The following TRPM2 variants were observed in gnomAD, a reference collection of about 807,000 sequenced individuals.
TRPM2 encodes the protein estrogen-responsive element-associated gene 1 protein.
A neutral mutation model predicts 174.0 loss-of-function variants in TRPM2; 161 were observed. The observed-to-expected ratio is 0.93, with a 90% CI of 0.81 to 1.05. The LOEUF is 1.05. TRPM2 is among the 50% of genes least tolerant of loss of function. The pLI is 0.00. For synonymous variants in TRPM2, 954 were observed against 861.3 expected (o/e 1.11, Z -1.88); for missense variants, 2,057 against 2,038.0 (o/e 1.01, Z -0.18).
rs968889857 is a variant in TRPM2, at chr21:44,366,522, G to A, written c.424-232G>A. Among the ~76,000 whole-genome samples the A allele has an allele frequency of 1.3e-5, 2 of 152,154 alleles. No homozygotes were observed. The highest frequency in any genetic ancestry group is 4.8e-5 in the African/African-American group (2 of 41,430). On this transcript the variant is annotated intron_variant, in intron 3 of 31. Transcript: ENST00000397928. The surrounding 1 kb of genome is among the most constrained non-coding windows in gnomAD (Gnocchi z 6.0). ...CGAGGGCTGGGGGAGGTTTGCTGAG[G>A]GCGATCCTGGTCCCCAAAGGATGGC...
rs199551344 is a variant in TRPM2 at position 44,440,814 on chromosome 21, C to T, written c.4295C>T (p.Pro1432Leu). The change falls in exon 31 of 32, where the codon CCG becomes CTG. Residue 1432 changes from proline to leucine, a missense_variant. Coordinates refer to ENST00000397928, the MANE Select transcript of TRPM2 (RefSeq NM_003307.4). Reference sequence around the variant, plus strand: ...GTGTACAAAGGCTACATGGATGACCCGAGGAACACGGACAATGCCTGGATC... The same window carrying T: ...GTGTACAAAGGCTACATGGATGACCTGAGGAACACGGACAATGCCTGGATC... ...MEVYKGYMDD[P>L]RNTDNAWIET... The T allele has an allele frequency of 2.3e-5, 37 of 1,613,730 alleles. No homozygotes were observed. Among genetic ancestry groups the T allele is most frequent in the Admixed American group, 5.0e-5 (3 of 60,008 alleles).
At chr21:44,440,668 C>G in intron 30 of TRPM2, 121 bp from the exon 31 acceptor site, 1 of 841,884 alleles carries the variant, frequency 1.2e-6, no homozygotes, top group Non-Finnish European at 2.0e-6. Flanking sequence ...AGAGCTGGGC[C>G]GGGGTCCTGT....
At chr21:44,394,170 G>T (rs1187974020) in intron 11 of TRPM2, among the ~76,000 whole-genome samples, 1 of 151,980 alleles carries the variant, frequency 6.6e-6, no homozygotes, top group Non-Finnish European at 1.5e-5. Flanking sequence ...TGCCAGGCCG[G>T]GTATGGCTTG....
chr21:44,365,813 G>A (rs982387372), intron 3 of TRPM2, among the ~76,000 whole-genome samples: 3 of 152,208 alleles, frequency 2.0e-5, no homozygotes, highest in African/African-American at 7.2e-5. Context: ...AAGCCCGGGA[G>A]CGTCCACCAT....
chr21:44,358,348 C>T (rs80220029), intron 2 of TRPM2, among the ~76,000 whole-genome samples: 4 of 151,710 alleles, frequency 2.6e-5, no homozygotes, highest in East Asian at 3.9e-4. Flanking sequence ...AGAATTCACG[C>T]GCACATGCGG....
In TRPM2 at chr21:44,391,052, G is replaced by A. The variant is rs767340056; in HGVS notation, c.1440+27G>A. 1.3e-5 allele frequency: 21 copies of A among 1,613,050 alleles called. No individual in the cohort carries two copies. Among genetic ancestry groups the A allele is most frequent in the Admixed American group, 1.0e-4 (6 of 59,996 alleles). On this transcript the variant is annotated intron_variant, in intron 10 of 31. Transcript: ENST00000397928. This position sits in a 1 kb window ranked among gnomAD's most constrained non-coding sequence, Gnocchi z 5.0. Reference sequence around the variant, plus strand: ...TAAGTCTTCCAGAGCACCCCGTGGAGGGGCCTACTGGGCCCACATGCATTG... The same window carrying A: ...TAAGTCTTCCAGAGCACCCCGTGGAAGGGCCTACTGGGCCCACATGCATTG...
At position 44,366,833 on chromosome 21, in the gene TRPM2, A is replaced by G. The variant is rs761128057; in HGVS notation, c.503A>G (p.Asn168Ser). Reference sequence around the variant, plus strand: ...CAGCACTGGGGGCTGGACGTCCCCAATCTCTTGATCTCGGTGACCGGGGGG... The same window carrying G: ...CAGCACTGGGGGCTGGACGTCCCCAGTCTCTTGATCTCGGTGACCGGGGGG... ...MTQHWGLDVP[N>S]LLISVTGGAK... Residue 168 changes from asparagine (N) to serine (S), a missense_variant, in exon 4 of 32, where the codon AAT becomes AGT. Transcript: ENST00000397928. The surrounding 1 kb of genome is among the most constrained non-coding windows in gnomAD (Gnocchi z 6.0). The G allele has an allele frequency of 2.0e-5, 32 of 1,610,876 alleles. No individual in the cohort carries two copies. Among genetic ancestry groups the G allele is most frequent in the Non-Finnish European group, 2.4e-5 (28 of 1,178,904 alleles).
At position 44,389,199 on chromosome 21, in the gene TRPM2, GTTTC is replaced by G. The variant is rs537384459; in HGVS notation, c.1319-1701_1319-1698del. Among the ~76,000 whole-genome samples, 332 of 152,240 alleles carry G rather than the reference GTTTC, an allele frequency of 2.2e-3. 2 individuals are homozygous for G. The highest frequency in any genetic ancestry group is 7.8e-3 in the African/African-American group (322 of 41,536). On this transcript the variant is annotated intron_variant, in intron 9 of 31. Transcript: ENST00000397928. ...TACATGATGCATTCTTTCATGTCTTGTTTCTTTTGCTCAGTGCATTGTTTTTGAG... is the reference window on the plus strand; with the variant it reads ...TACATGATGCATTCTTTCATGTCTTGTTTTGCTCAGTGCATTGTTTTTGAG...
At chr21:44,394,880 C>T (rs925294527) in intron 11 of TRPM2, among the ~76,000 whole-genome samples, 2 of 152,154 alleles carry the variant, frequency 1.3e-5, no homozygotes, top group African/African-American at 4.8e-5. Flanking sequence ...TTCCCAGCTA[C>T]CTGAGTACGT....
intron 12 of TRPM2, among the ~76,000 whole-genome samples, chr21:44,396,081 G>A (rs1247702145): frequency 3.9e-5 from 1 of 25,600 alleles, no homozygotes. Flanking sequence ...GGATGTGGAG[G>A]CTGTGGAGGG....
intron 5 of TRPM2, 44 bp from the exon 6 acceptor site, chr21:44,375,789 A>C (rs778524308): frequency 6.3e-7 from 1 of 1,575,918 alleles, no homozygotes; most frequent in South Asian, 1.2e-5. Context: ...TTAGAGAGGC[A>C]GAGCTTTCCA....
Position 44,406,624 on chromosome 21 carries a change from CTGGCTGTG to C in TRPM2, c.2825_2832del (p.Ala942GlyfsTer63). 6.2e-7 allele frequency: 1 copy of C among 1,610,834 alleles called. No homozygotes were observed. The highest frequency in any genetic ancestry group is 8.5e-7 in the Non-Finnish European group (1 of 1,179,424). On this transcript the variant is annotated frameshift_variant, in exon 19 of 32. Transcript: ENST00000397928. LOFTEE classifies it high-confidence loss of function. ...GGACGTCTTCTTCTTCCTCTTCCTGCTGGCTGTGTGGGTGGTGTCCTTCGGGGTGGCCA... is the reference window on the plus strand; with the variant it reads ...GGACGTCTTCTTCTTCCTCTTCCTGCTGGGTGGTGTCCTTCGGGGTGGCCA...
chr21:44,379,344 C>A, intron 8 of TRPM2, 147 bp downstream of exon 8: 1 of 929,766 alleles, frequency 1.1e-6, no homozygotes, highest in Non-Finnish European at 1.6e-6. Flanking sequence ...GAGGGCAGGG[C>A]CCAGGTGGTA....
chr21:44,373,650 A>C (rs971287611), intron 5 of TRPM2, among the ~76,000 whole-genome samples: 4 of 152,116 alleles, frequency 2.6e-5, no homozygotes, highest in African/African-American at 9.7e-5. Flanking sequence ...ATAGGCTGAG[A>C]ATTTCCCACA....
intron 27 of TRPM2, 58 bp downstream of exon 27, chr21:44,427,169 A>G: frequency 7.1e-7 from 1 of 1,408,838 alleles, no homozygotes; most frequent in Non-Finnish European, 9.6e-7. Flanking sequence ...CCTGGGGGGC[A>G]GGTTTCCTCT....
intron 19 of TRPM2, among the ~76,000 whole-genome samples, chr21:44,411,531 A>G (rs548555024): frequency 1.3e-5 from 2 of 152,300 alleles, no homozygotes; most frequent in South Asian, 2.1e-4. Flanking sequence ...ATCTGCAAAA[A>G]GAGAGTTTTA....
intron 22 of TRPM2, among the ~76,000 whole-genome samples, chr21:44,421,378 AAGCTCAG>A (rs2050546054): frequency 6.6e-6 from 1 of 151,998 alleles, no homozygotes; most frequent in Non-Finnish European, 1.5e-5. Flanking sequence ...AGACATCTTA[AAGCTCAG>A]AGCTGGTCTG....
chr21:44,406,647 CG>C lies in TRPM2; in HGVS notation c.2848del (p.Val950TrpfsTer40). The C allele has an allele frequency of 6.2e-7, 1 of 1,610,618 alleles. No individual in the cohort carries two copies. The highest frequency in any genetic ancestry group is 8.5e-7 in the Non-Finnish European group (1 of 1,179,420). On this transcript the variant is annotated frameshift_variant, in exon 19 of 32. Transcript: ENST00000397928. LOFTEE classifies it high-confidence loss of function. ...TGCTGGCTGTGTGGGTGGTGTCCTT[CG>C]GGGTGGCCAAGCAGGCCATCCTCAT... is the stretch of plus-strand genomic sequence containing the variant. ...FLLAVWVVSF[G>X]VAKQAILIHN...
In TRPM2 at chr21:44,379,182, C is replaced by T. The variant is rs149400372; in HGVS notation, c.1200C>T (p.Val400=). 1.0e-4 allele frequency: 167 copies of T among 1,612,856 alleles called. No individual in the cohort carries two copies. Among genetic ancestry groups the T allele is most frequent in the African/African-American group, 3.6e-4 (27 of 74,928 alleles). Residue 400 remains valine, a synonymous_variant, in exon 8 of 32, where the codon GTC becomes GTT. Coordinates refer to ENST00000397928, the MANE Select transcript of TRPM2 (RefSeq NM_003307.4). Reference sequence around the variant, plus strand: ...AGACCTTCACGGAAAGCAGGATTGTCGAGTGGACCAAAAAGGTGAGGCTGA... The same window carrying T: ...AGACCTTCACGGAAAGCAGGATTGTTGAGTGGACCAAAAAGGTGAGGCTGA... ...MFETFTESRI[V]EWTKKIQDIV...
Sources: allele counts gnomAD v4.1 joint callset (sites outside exome capture counted in the v4.1 genomes callset), GRCh38; gene constraint gnomAD v4.1.1; non-coding constraint Gnocchi (gnomAD v3.1); transcripts MANE v1.5; gene names NCBI Gene and HGNC (gene_info 2026-07-23, HGNC 2026-07-21).